Variants in ARID5B observed in about 807,000 individuals in gnomAD.
ARID5B encodes AT-rich interactive domain-containing protein 5B.
ARID5B carries 13 observed loss-of-function variants against 97.2 expected under a neutral mutation model. That is an observed-to-expected ratio of 0.13 (90% CI 0.09 to 0.21). The LOEUF (loss-of-function observed/expected upper bound fraction) is 0.21. Ranked by LOEUF, ARID5B falls within the 10% of genes least tolerant of loss-of-function variation. The pLI, the probability that ARID5B is intolerant of heterozygous loss-of-function variation, is 1.00. For synonymous variants in ARID5B, 556 were observed against 570.3 expected, an observed-to-expected ratio of 0.97 and a Z score of 0.36; for missense variants, 1,210 against 1,465.3, an observed-to-expected ratio of 0.83 and a Z score of 2.84.
chr10:61,990,303 C>T (rs1356214058), intron 3 of ARID5B, among the ~76,000 whole-genome samples: 2 of 152,246 alleles, frequency 1.3e-5, no homozygotes, highest in African/African-American at 4.8e-5. Context: ...GGTGGACAAA[C>T]TCCTCAAGTG....
At position 62,094,867 on chromosome 10, in the gene ARID5B, T is replaced by A; in HGVS notation, c.*1837T>A. 4.3e-6 allele frequency: 1 copy of A among 231,384 alleles called. No homozygotes were observed. The highest frequency in any genetic ancestry group is 8.6e-6 in the Non-Finnish European group (1 of 116,636). 14.3% of individuals were successfully genotyped at this position (231,384 alleles called of 1,614,324 possible). On this transcript the variant is annotated 3_prime_UTR_variant, in exon 10 of 10. Coordinates refer to ENST00000279873, the MANE Select transcript of ARID5B (RefSeq NM_032199.3). Reference sequence around the variant, plus strand: ...TAATTCTGGGAAAATTGGTGACAATTTTCAACTTCTAAATAGGTAACTCGA... The same window carrying A: ...TAATTCTGGGAAAATTGGTGACAATATTCAACTTCTAAATAGGTAACTCGA...
intron 2 of ARID5B, among the ~76,000 whole-genome samples, chr10:61,939,017 G>GGGA (rs1844354908): frequency 6.7e-6 from 1 of 149,926 alleles, no homozygotes; most frequent in South Asian, 2.1e-4. Context: ...GTGGGGCAGG[G>GGGA]GGAGGAGGAA....
intron 4 of ARID5B, among the ~76,000 whole-genome samples, chr10:62,008,685 C>T (rs1411562642): frequency 1.3e-5 from 2 of 152,236 alleles, no homozygotes; most frequent in African/African-American, 4.8e-5. Flanking sequence ...CCAGCCAGAG[C>T]GGCCATTTCT....
chr10:62,002,366 C>T (rs890602973), intron 4 of ARID5B, among the ~76,000 whole-genome samples: 1 of 152,158 alleles, frequency 6.6e-6, no homozygotes, highest in Non-Finnish European at 1.5e-5. Flanking sequence ...TTTTCTTCTC[C>T]AGCCTCTTAA....
chr10:61,961,534 A>T (rs1416614738), intron 3 of ARID5B, among the ~76,000 whole-genome samples: 2 of 152,178 alleles, frequency 1.3e-5, no homozygotes, highest in Non-Finnish European at 2.9e-5. Flanking sequence ...TGCCACACAG[A>T]TGTGAAGTCT....
intron 3 of ARID5B, among the ~76,000 whole-genome samples, chr10:61,999,840 T>C (rs1407238655): frequency 6.6e-6 from 1 of 152,134 alleles, no homozygotes; most frequent in Non-Finnish European, 1.5e-5. Flanking sequence ...CATTACTTAC[T>C]GTGTCTAGAG....
intron 9 of ARID5B, among the ~76,000 whole-genome samples, chr10:62,088,579 G>T (rs1346064704): frequency 9.2e-5 from 14 of 152,164 alleles, no homozygotes. Context: ...TCAGGGAGCT[G>T]TAAGTGTCTC....
At chr10:62,049,735 A>T (rs1439823541) in intron 4 of ARID5B, among the ~76,000 whole-genome samples, 1 of 152,210 alleles carries the variant, frequency 6.6e-6, no homozygotes, top group African/African-American at 2.4e-5. Flanking sequence ...AAATCAAATT[A>T]GTAGGATTAA....
At chr10:62,075,442 G>A (rs1384886177) in intron 8 of ARID5B, among the ~76,000 whole-genome samples, 1 of 152,226 alleles carries the variant, frequency 6.6e-6, no homozygotes, top group African/African-American at 2.4e-5. Context: ...GCGCCCTGCA[G>A]TGGGAGGGCC....
At chr10:62,066,106 C>A (rs1189034333) in intron 7 of ARID5B, among the ~76,000 whole-genome samples, 5 of 152,092 alleles carry the variant, frequency 3.3e-5, no homozygotes, top group Non-Finnish European at 5.9e-5. Context: ...GGACATTGGA[C>A]AACAGAATAA....
chr10:62,045,576 G>A (rs2393743), intron 4 of ARID5B, among the ~76,000 whole-genome samples: 75,795 of 151,470 alleles, frequency 0.5, 19,678 homozygotes, highest in African/African-American at 0.63. Context: ...TCAGCCTCCC[G>A]AGTAGCTGGG....
intron 2 of ARID5B, among the ~76,000 whole-genome samples, chr10:61,931,782 G>T (rs985333956): frequency 6.6e-6 from 1 of 152,056 alleles, no homozygotes; most frequent in African/African-American, 2.4e-5. Flanking sequence ...AACACAATGA[G>T]AAACTACCAC....
intron 3 of ARID5B, among the ~76,000 whole-genome samples, chr10:61,996,996 A>G (rs1247549047): frequency 1.3e-5 from 2 of 152,056 alleles, no homozygotes; most frequent in East Asian, 3.8e-4. Flanking sequence ...TTTAGTGTGC[A>G]TGAGCTATTT....
In ARID5B at chr10:62,094,935, TAAAC is replaced by T. The variant is rs1194951049; in HGVS notation, c.*1909_*1912del. ...CTGATAACAATGAAACTGCGGCTCT[TAAAC>T]AAAGCCATGCATGCCGTGCATTTGT... On this transcript the variant is annotated 3_prime_UTR_variant, in exon 10 of 10. Coordinates refer to ENST00000279873, the MANE Select transcript of ARID5B (RefSeq NM_032199.3). 2 of 231,180 alleles carry T rather than the reference TAAAC, an allele frequency of 8.7e-6. No homozygotes were observed. Among genetic ancestry groups the T allele is most frequent in the African/African-American group, 2.2e-5 (1 of 45,226 alleles). The allele number at this position is 231,180 out of a possible 1,614,324, so 14.3% of individuals were successfully genotyped here.
Position 62,091,921 on chromosome 10 carries a change from C to T in ARID5B, c.2458C>T (p.Pro820Ser), listed in dbSNP as rs553462344. 77 of 1,613,914 alleles carry T rather than the reference C, an allele frequency of 4.8e-5. No individual in the cohort carries two copies. The East Asian group carries it at 1.6e-3, about 33-fold the overall frequency. The change falls in exon 10 of 10, where the codon CCC becomes TCC. Residue 820 changes from proline (P) to serine (S), a missense_variant. This residue lies in a region of ARID5B where 800 missense variants were observed against 839.1 expected (regional missense o/e 0.95). Transcript: ENST00000279873. ...KDKLLEKRAL[P>S]HSHMPSFLAD... Reference sequence around the variant, plus strand: ...TAAACTCTTAGAGAAAAGGGCCCTCCCCCATTCCCACATGCCTAGCTTCCT... The same window carrying T: ...TAAACTCTTAGAGAAAAGGGCCCTCTCCCATTCCCACATGCCTAGCTTCCT...
Position 61,987,782 on chromosome 10 carries a change from T to C in ARID5B, c.503-12309T>C, listed in dbSNP as rs532942712. On this transcript the variant is annotated intron_variant, in intron 3 of 9. Coordinates refer to ENST00000279873, the MANE Select transcript of ARID5B (RefSeq NM_032199.3). ...CAACCCTTTCAAACAGAAATAACCT[T>C]AAAGAAATATCTGAGAGATACCCAG... Among the ~76,000 whole-genome samples, 6 of 152,270 alleles carry C rather than the reference T, an allele frequency of 3.9e-5. No individual in the cohort carries two copies. The South Asian group carries it at 1.2e-3, about 32-fold the overall frequency.
chr10:61,971,334 G>C (rs543278720), intron 3 of ARID5B, among the ~76,000 whole-genome samples: 2 of 152,318 alleles, frequency 1.3e-5, no homozygotes, highest in South Asian at 4.1e-4. Flanking sequence ...AAAAGGACTA[G>C]CTGATCCCAA....
intron 2 of ARID5B, among the ~76,000 whole-genome samples, chr10:61,910,470 T>G (rs1466134434): frequency 6.6e-6 from 1 of 152,250 alleles, no homozygotes; most frequent in East Asian, 1.9e-4. Flanking sequence ...GGCTTAAGGA[T>G]TCATTCACCT....
chr10:62,084,011 G>A (rs1388387054), intron 8 of ARID5B, among the ~76,000 whole-genome samples: 1 of 152,176 alleles, frequency 6.6e-6, no homozygotes, highest in Non-Finnish European at 1.5e-5. Context: ...TATTATTTTA[G>A]TAAGTCTACA....
Sources: allele counts gnomAD v4.1 joint callset (sites outside exome capture counted in the v4.1 genomes callset), GRCh38; gene constraint gnomAD v4.1.1; regional missense constraint gnomAD v4.1.1; transcripts MANE v1.5; gene names NCBI Gene and HGNC (gene_info 2026-07-23, HGNC 2026-07-21).